NGEF: variants seen among roughly 807,000 people sequenced by gnomAD.
NGEF encodes neuronal guanine nucleotide exchange factor, also known as ephexin-1.
NGEF carries 31 observed loss-of-function variants against 80.9 expected under a neutral mutation model. The ratio of observed to expected loss-of-function variants is 0.38; its 90% confidence interval spans 0.29 to 0.52. The LOEUF is 0.52. Ranked by LOEUF, NGEF falls within the 20% of genes least tolerant of loss-of-function variation. The pLI, the probability that NGEF is intolerant of heterozygous loss-of-function variation, is 0.84. For missense variants in NGEF, 709 were observed against 926.2 expected, an observed-to-expected ratio of 0.77 and a Z score of 3.04; for synonymous variants, 371 against 370.2, an observed-to-expected ratio of 1.00 and a Z score of -0.03.
intron 1 of NGEF, among the ~76,000 whole-genome samples, chr2:232,981,890 G>A (rs766396877): frequency 2.0e-5 from 3 of 152,196 alleles, no homozygotes; most frequent in East Asian, 1.9e-4. Flanking sequence ...ACACCTGCTC[G>A]GGAACAGGCC....
intron 8 of NGEF, 62 bp from the exon 9 acceptor site, chr2:232,888,169 C>A (rs372216965): frequency 1.8e-5 from 24 of 1,314,928 alleles, no homozygotes; most frequent in African/African-American, 4.4e-5. Context: ...CCATTTCCCA[C>A]CTTGACCGTG....
intron 5 of NGEF, among the ~76,000 whole-genome samples, chr2:232,902,008 T>C (rs1692371775): frequency 6.6e-6 from 1 of 152,180 alleles, no homozygotes; most frequent in Non-Finnish European, 1.5e-5. Context: ...GGGATCACCA[T>C]GGCCCACTCC....
chr2:232,986,691 G>A (rs1344527211), intron 1 of NGEF, among the ~76,000 whole-genome samples: 2 of 152,192 alleles, frequency 1.3e-5, no homozygotes, highest in African/African-American at 4.8e-5. Context: ...AGCAATGTTT[G>A]CCAAGGGCTG....
chr2:232,924,726 A>C (rs944570803), intron 4 of NGEF, among the ~76,000 whole-genome samples: 1 of 152,224 alleles, frequency 6.6e-6, no homozygotes, highest in Admixed American at 6.5e-5. Context: ...CTTTGGACTC[A>C]TTAACTGAGA....
rs1266805510 is a variant in NGEF, at chr2:232,900,652, TCA to T, written c.829-5738_829-5737del. Among the ~76,000 whole-genome samples, 33 of 144,226 alleles carry T rather than the reference TCA, an allele frequency of 2.3e-4. 2 individuals are homozygous for T. Among genetic ancestry groups the T allele is most frequent in the Non-Finnish European group, 2.9e-4 (19 of 66,028 alleles). The allele number at this position is 144,226 out of a possible 152,430, so 94.6% of individuals were successfully genotyped here. A position where few individuals can be genotyped will look rare whatever the true frequency, so the allele number is the denominator to read the frequency against. Reference sequence around the variant, plus strand: ...CACAGTCACTCATATACACGTTCACTCACATTCACTCACACACACACGCTCTC... The same window carrying T: ...CACAGTCACTCATATACACGTTCACTCATTCACTCACACACACACGCTCTC... On this transcript the variant is annotated intron_variant, in intron 5 of 14. Coordinates refer to ENST00000264051, the MANE Select transcript of NGEF (RefSeq NM_019850.3).
intron 1 of NGEF, among the ~76,000 whole-genome samples, chr2:232,984,531 C>A (rs2106329873): frequency 6.6e-6 from 1 of 152,216 alleles, no homozygotes; most frequent in Admixed American, 6.5e-5. Flanking sequence ...GACAGCCTTC[C>A]AGGGAAGGGG....
At chr2:232,889,552 T>G (rs898498919) in intron 8 of NGEF, among the ~76,000 whole-genome samples, 2 of 152,246 alleles carry the variant, frequency 1.3e-5, no homozygotes, top group African/African-American at 4.8e-5. Context: ...TATTCATATA[T>G]GCACTTTCCC....
chr2:232,950,634 G>C (rs1403395133), intron 3 of NGEF, among the ~76,000 whole-genome samples: 1 of 152,226 alleles, frequency 6.6e-6, no homozygotes, highest in Non-Finnish European at 1.5e-5. Context: ...GGCTACCAAA[G>C]GGCAAAGCCT....
intron 5 of NGEF, among the ~76,000 whole-genome samples, chr2:232,898,338 C>G (rs1692163926): frequency 1.3e-5 from 2 of 152,210 alleles, no homozygotes. Flanking sequence ...CCCGGATCTT[C>G]TGGCCGACAG....
rs897955048 is a variant in NGEF at position 232,970,361 on chromosome 2, G to A, written c.269-33C>T. 4 of 1,396,596 alleles carry A rather than the reference G, an allele frequency of 2.9e-6. No individual in the cohort carries two copies. The African/African-American group carries it at 4.4e-5, about 15-fold the overall frequency. 86.5% of individuals were successfully genotyped at this position (1,396,596 alleles called of 1,614,324 possible). ...AATTCAGAAATGGAGCAAGTTAGAA[G>A]ATACAGATCAACCCTTTTCAGGCAA... On this transcript the variant is annotated intron_variant, in intron 2 of 14. Transcript: ENST00000264051.
chr2:232,996,540 C>A (rs1396200612), intron 1 of NGEF, among the ~76,000 whole-genome samples: 1 of 152,218 alleles, frequency 6.6e-6, no homozygotes, highest in Non-Finnish European at 1.5e-5. Flanking sequence ...CCCATAGATA[C>A]TGAAATCCAT....
chr2:232,931,804 C>T (rs1287712997), intron 3 of NGEF, among the ~76,000 whole-genome samples: 3 of 152,204 alleles, frequency 2.0e-5, no homozygotes, highest in African/African-American at 7.2e-5. Flanking sequence ...GCTGAAAACA[C>T]ATGTGATTCT....
At position 232,885,206 on chromosome 2, in the gene NGEF, G is replaced by A. The variant is rs554284586; in HGVS notation, c.1437+74C>T. The A allele has an allele frequency of 2.3e-4, 308 of 1,367,848 alleles. 3 individuals are homozygous for A. The South Asian group carries it at 3.2e-3, about 14-fold the overall frequency. 84.7% of individuals were successfully genotyped at this position (1,367,848 alleles called of 1,614,324 possible). On this transcript the variant is annotated intron_variant, in intron 10 of 14. Transcript: ENST00000264051. Reference sequence around the variant, plus strand: ...GACCTAAGCAAGGCCAGCCAGGCGCGGTGATCTGTGCCTCTGGGGCGGGGC... The same window carrying A: ...GACCTAAGCAAGGCCAGCCAGGCGCAGTGATCTGTGCCTCTGGGGCGGGGC...
chr2:232,890,784 G>A (rs1691857176), intron 8 of NGEF: 1 of 400,310 alleles, frequency 2.5e-6, no homozygotes, highest in East Asian at 7.3e-5. Context: ...GCCAGGGCCA[G>A]CTCCTAAAAG....
chr2:232,996,287 C>T (rs549232351), intron 1 of NGEF, among the ~76,000 whole-genome samples: 17 of 152,162 alleles, frequency 1.1e-4, no homozygotes, highest in Admixed American at 1.0e-3. Context: ...GAGATTGTGC[C>T]GCTGCACTCC....
chr2:232,902,729 G>A (rs565186478), intron 5 of NGEF, among the ~76,000 whole-genome samples: 157 of 152,328 alleles, frequency 1.0e-3, no homozygotes, highest in African/African-American at 3.7e-3. Flanking sequence ...GGCCGGGTGC[G>A]GTGGCTCACA....
chr2:232,946,289 T>C (rs541957109), intron 3 of NGEF, among the ~76,000 whole-genome samples: 1 of 150,964 alleles, frequency 6.6e-6, no homozygotes, highest in Non-Finnish European at 1.5e-5. Flanking sequence ...GGGGGGAAGG[T>C]TGGGAAGGGG....
At chr2:233,011,190 A>G (rs1695195387) in intron 1 of NGEF, among the ~76,000 whole-genome samples, 1 of 152,038 alleles carries the variant, frequency 6.6e-6, no homozygotes, top group South Asian at 2.1e-4. Flanking sequence ...GAGGGCCACC[A>G]TTGTCCCATC....
At chr2:232,942,947 C>T (rs1332022648) in intron 3 of NGEF, among the ~76,000 whole-genome samples, 2 of 145,470 alleles carry the variant, frequency 1.4e-5, no homozygotes, top group East Asian at 2.0e-4. Flanking sequence ...ATCCCTCCCC[C>T]GAACTGACCA....
Sources: gnomAD v4.1 joint callset for allele counts (sites outside exome capture counted in the v4.1 genomes callset) on GRCh38, gnomAD v4.1.1 for gene constraint, MANE v1.5 for transcripts, NCBI Gene and HGNC (gene_info 2026-07-23, HGNC 2026-07-21) for gene names.